Variants in PARD3B observed in about 807,000 individuals in gnomAD.
The protein encoded by PARD3B is par-3 family cell polarity regulator beta, also known as partitioning defective 3 homolog B.
A neutral mutation model predicts 130.2 loss-of-function variants in PARD3B; 103 were observed. The ratio of observed to expected loss-of-function variants is 0.79; its 90% CI spans 0.67 to 0.93. PARD3B has a LOEUF of 0.93. PARD3B is among the 40% of genes least tolerant of loss of function. The probability of loss-of-function intolerance (pLI) is 0.00; values close to 1 mark genes in which losing one functional copy is unlikely to be tolerated. For missense variants in PARD3B, 1,609 were observed against 1,499.2 expected (o/e 1.07, Z -1.21); for synonymous variants, 583 against 553.2 (o/e 1.05, Z -0.76).
intron 21 of PARD3B, among the ~76,000 whole-genome samples, chr2:205,533,723 T>G (rs1394958908): frequency 1.3e-5 from 2 of 148,322 alleles, no homozygotes; most frequent in East Asian, 3.9e-4. Context: ...GTTTTGGGGG[T>G]TTTTTGTTTG....
At chr2:205,218,549 C>T (rs1054567738) in intron 15 of PARD3B, among the ~76,000 whole-genome samples, 1 of 152,020 alleles carries the variant, frequency 6.6e-6, no homozygotes, top group Non-Finnish European at 1.5e-5. Context: ...CTAAAAAAAT[C>T]AGTCAATCTA....
intron 2 of PARD3B, among the ~76,000 whole-genome samples, chr2:204,771,508 C>A (rs1014068722): frequency 8.6e-5 from 13 of 151,986 alleles, no homozygotes; most frequent in African/African-American, 3.1e-4. Context: ...ACAATAGACA[C>A]TAAGGAGTAC....
At position 205,268,298 on chromosome 2, in the gene PARD3B, T is replaced by A. The variant is rs893718438; in HGVS notation, c.2185+22476T>A. ...AAGCATGAAGACAGACTGATTAAGCTCACTCATATAATTGGTTTTTGAGAA... is the reference window on the plus strand; with the variant it reads ...AAGCATGAAGACAGACTGATTAAGCACACTCATATAATTGGTTTTTGAGAA... On this transcript the variant is annotated intron_variant, in intron 16 of 22. Coordinates refer to ENST00000406610, the MANE Select transcript of PARD3B (RefSeq NM_001302769.2). The surrounding 1 kb of genome is among the most constrained non-coding windows in gnomAD (Gnocchi z 4.1). Among the ~76,000 whole-genome samples the A allele has an allele frequency of 2.6e-5, 4 of 152,232 alleles. No individual in the cohort carries two copies. The highest frequency in any genetic ancestry group is 4.4e-5 in the Non-Finnish European group (3 of 68,044).
Position 205,230,539 on chromosome 2 carries a change from T to C in PARD3B, c.2141-15239T>C, listed in dbSNP as rs1407709758. On this transcript the variant is annotated intron_variant, in intron 15 of 22. Transcript: ENST00000406610. This position sits in a 1 kb window ranked among gnomAD's most constrained non-coding sequence, Gnocchi z 4.1. ...AAGTCCTCTTAACTCTTCCCTCTTT[T>C]CTCCTCTAGCAGAAGGCAGGAGTCT... 1.3e-5 allele frequency among the ~76,000 whole-genome samples: 2 copies of C among 151,980 alleles called. No homozygotes were observed. Among genetic ancestry groups the C allele is most frequent in the Admixed American group, 6.6e-5 (1 of 15,248 alleles).
chr2:205,535,733 A>G (rs188641598), intron 21 of PARD3B, among the ~76,000 whole-genome samples: 6 of 152,284 alleles, frequency 3.9e-5, no homozygotes, highest in African/African-American at 1.4e-4. Flanking sequence ...TCCTGTGCAA[A>G]GTGGCTCTGT....
At chr2:205,375,003 C>G (rs1034574023) in intron 18 of PARD3B, among the ~76,000 whole-genome samples, 8 of 152,092 alleles carry the variant, frequency 5.3e-5, no homozygotes, top group Non-Finnish European at 7.4e-5. Flanking sequence ...TTTAATAGCA[C>G]TTTATGGTAA....
chr2:205,379,483 T>TA (rs908959624), intron 18 of PARD3B, among the ~76,000 whole-genome samples: 11 of 151,976 alleles, frequency 7.2e-5, no homozygotes, highest in South Asian at 2.1e-4. Flanking sequence ...GGGTTTTTTT[T>TA]AAAAAAAAAG....
intron 1 of PARD3B, among the ~76,000 whole-genome samples, chr2:204,564,264 T>C (rs2031537633): frequency 6.6e-6 from 1 of 152,170 alleles, no homozygotes. Flanking sequence ...AAGAAAGCCA[T>C]AAGCAGGTGC....
At chr2:205,455,443 T>G (rs1172573063) in intron 20 of PARD3B, among the ~76,000 whole-genome samples, 1 of 152,070 alleles carries the variant, frequency 6.6e-6, no homozygotes, top group Non-Finnish European at 1.5e-5. Context: ...ATGTGAGCAT[T>G]TACACCATTT....
At chr2:204,584,477 C>T (rs2032731487) in intron 1 of PARD3B, among the ~76,000 whole-genome samples, 1 of 152,100 alleles carries the variant, frequency 6.6e-6, no homozygotes. Flanking sequence ...TCCTTTACTA[C>T]CCTATACCTA....
intron 4 of PARD3B, among the ~76,000 whole-genome samples, chr2:205,056,008 T>C (rs1699607881): frequency 6.6e-6 from 1 of 152,116 alleles, no homozygotes; most frequent in Non-Finnish European, 1.5e-5. Flanking sequence ...GTTAAGGGTA[T>C]GGGTTGTGTC....
At chr2:205,581,723 A>G (rs1345442269) in intron 22 of PARD3B, among the ~76,000 whole-genome samples, 1 of 152,052 alleles carries the variant, frequency 6.6e-6, no homozygotes, top group Non-Finnish European at 1.5e-5. Flanking sequence ...TGTACCCTAT[A>G]AATAGATACA....
chr2:204,850,510 A>ATAGATATATGTATATATATG (rs2044664926), intron 2 of PARD3B, among the ~76,000 whole-genome samples: 2 of 151,908 alleles, frequency 1.3e-5, no homozygotes, highest in African/African-American at 4.8e-5. Context: ...GTATATATAT[A>ATAGATATATGTATATATATG]TGTGTGTGAT....
At chr2:205,314,426 C>T (rs1178225035) in intron 18 of PARD3B, among the ~76,000 whole-genome samples, 3 of 152,178 alleles carry the variant, frequency 2.0e-5, no homozygotes, top group African/African-American at 7.2e-5. Flanking sequence ...CTTTCTTACA[C>T]TCTGTAGCAC....
intron 2 of PARD3B, among the ~76,000 whole-genome samples, chr2:204,896,461 C>T (rs1229864676): frequency 6.6e-6 from 1 of 152,050 alleles, no homozygotes; most frequent in Non-Finnish European, 1.5e-5. Context: ...GCACCTCGGA[C>T]ATGTTTATCC....
At chr2:205,302,506 A>G (rs912935319) in intron 18 of PARD3B, among the ~76,000 whole-genome samples, 1 of 152,166 alleles carries the variant, frequency 6.6e-6, no homozygotes, top group East Asian at 1.9e-4. Context: ...AAAGGCCAAT[A>G]CTTAGTAGAG....
intron 2 of PARD3B, among the ~76,000 whole-genome samples, chr2:204,775,962 A>C (rs1331571716): frequency 6.6e-6 from 1 of 152,222 alleles, no homozygotes; most frequent in East Asian, 1.9e-4. Context: ...CTGGAGCAAG[A>C]AGCAGCATTG....
chr2:205,364,423 C>T (rs1224901890), intron 18 of PARD3B, among the ~76,000 whole-genome samples: 1 of 152,192 alleles, frequency 6.6e-6, no homozygotes, highest in Non-Finnish European at 1.5e-5. Flanking sequence ...CTCCTTGTTA[C>T]AGGTGACAAA....
chr2:204,972,981 TC>T (rs1691836872), intron 3 of PARD3B, among the ~76,000 whole-genome samples: 1 of 152,168 alleles, frequency 6.6e-6, no homozygotes, highest in Admixed American at 6.5e-5. Flanking sequence ...TTCTTGTAGT[TC>T]CCCTGACCAC....
Sources: allele counts gnomAD v4.1 joint callset (sites outside exome capture counted in the v4.1 genomes callset), GRCh38; gene constraint gnomAD v4.1.1; non-coding constraint Gnocchi (gnomAD v3.1); transcripts MANE v1.5; gene names NCBI Gene and HGNC (gene_info 2026-07-23, HGNC 2026-07-21).